The following ESRRG variants were observed in gnomAD, a reference collection of about 807,000 sequenced individuals.
The protein encoded by ESRRG is estrogen-related receptor gamma.
In ESRRG, 13 loss-of-function variants were observed where a neutral mutation model predicts 44.0. The observed-to-expected ratio is 0.30, with a 90% CI of 0.19 to 0.47. The LOEUF is 0.47. ESRRG is among the 20% of genes least tolerant of loss of function. The pLI is 1.00. For missense variants in ESRRG, 395 were observed against 580.6 expected, an observed-to-expected ratio of 0.68 and a Z score of 3.29; for synonymous variants, 215 against 214.6, an observed-to-expected ratio of 1.00 and a Z score of -0.02.
intron 1 of ESRRG, among the ~76,000 whole-genome samples, chr1:216,963,360 G>A (rs1221929055): frequency 2.0e-5 from 3 of 152,146 alleles, no homozygotes; most frequent in Admixed American, 6.6e-5. Context: ...CTTGCTTAGA[G>A]GTAAAATCAT....
At chr1:216,892,950 A>G (rs1439155428) in intron 2 of ESRRG, among the ~76,000 whole-genome samples, 1 of 152,128 alleles carries the variant, frequency 6.6e-6, no homozygotes, top group East Asian at 1.9e-4. Flanking sequence ...GGTTACCGTG[A>G]TCAGTCATTA....
intron 3 of ESRRG, among the ~76,000 whole-genome samples, chr1:216,636,764 G>T (rs1273070138): frequency 6.6e-6 from 1 of 152,184 alleles, no homozygotes; most frequent in African/African-American, 2.4e-5. Context: ...AATAGAAATA[G>T]CATTACTTGT....
At chr1:216,669,873 G>A (rs1011276297) in intron 2 of ESRRG, among the ~76,000 whole-genome samples, 1 of 149,626 alleles carries the variant, frequency 6.7e-6, no homozygotes, top group Non-Finnish European at 1.5e-5. Flanking sequence ...GTAACAGAAA[G>A]AGACTCTGTC....
chr1:216,896,364 T>C (rs1245386348), intron 2 of ESRRG, among the ~76,000 whole-genome samples: 3 of 152,102 alleles, frequency 2.0e-5, no homozygotes, highest in African/African-American at 7.2e-5. Context: ...CACTGCTAAA[T>C]GCAAACCTGG....
chr1:216,934,294 C>T (rs570442446), intron 2 of ESRRG, among the ~76,000 whole-genome samples: 7 of 152,170 alleles, frequency 4.6e-5, no homozygotes, highest in South Asian at 2.1e-4. Flanking sequence ...ATTAGCCGGA[C>T]GTGGTGGCAG....
At chr1:217,030,239 C>T (rs955818086) in intron 1 of ESRRG, among the ~76,000 whole-genome samples, 2 of 152,152 alleles carry the variant, frequency 1.3e-5, no homozygotes, top group Non-Finnish European at 2.9e-5. Context: ...TCCCTTCACT[C>T]TTCTCTGTGG....
intron 2 of ESRRG, among the ~76,000 whole-genome samples, chr1:216,916,183 G>T (rs1350086724): frequency 6.6e-6 from 1 of 152,170 alleles, no homozygotes; most frequent in Non-Finnish European, 1.5e-5. Flanking sequence ...TAAAAAAGAT[G>T]ACATCACTTC....
chr1:216,735,161 G>T (rs2813706), intron 2 of ESRRG, among the ~76,000 whole-genome samples: 1 of 151,010 alleles, frequency 6.6e-6, no homozygotes, highest in African/African-American at 2.4e-5. Flanking sequence ...TGCCTTCCTC[G>T]CCTCCCAAAG....
At chr1:216,601,460 A>G (rs1053420595) in intron 3 of ESRRG, among the ~76,000 whole-genome samples, 1 of 152,212 alleles carries the variant, frequency 6.6e-6, no homozygotes, top group Non-Finnish European at 1.5e-5. Flanking sequence ...ACAAGTGCGG[A>G]TAAGACTTAA....
intron 1 of ESRRG, among the ~76,000 whole-genome samples, chr1:216,711,405 C>A (rs1453542246): frequency 3.3e-5 from 5 of 152,164 alleles, no homozygotes; most frequent in Admixed American, 6.5e-5. Flanking sequence ...GGGGGAAATA[C>A]AAAAAGCACT....
intron 3 of ESRRG, among the ~76,000 whole-genome samples, chr1:216,583,331 A>G (rs954120350): frequency 6.6e-6 from 1 of 152,246 alleles, no homozygotes; most frequent in Non-Finnish European, 1.5e-5. Context: ...TGGTTATTCC[A>G]TAATTCCTGT....
chr1:216,726,473 AT>A (rs2087539261), upstream of ESRRG, among the ~76,000 whole-genome samples: 1 of 152,196 alleles, frequency 6.6e-6, no homozygotes, highest in Admixed American at 6.5e-5. Context: ...TGGGAAATAA[AT>A]GTGCCATGAG....
At chr1:217,041,829 AT>A in intron 1 of ESRRG, among the ~76,000 whole-genome samples, 1 of 152,274 alleles carries the variant, frequency 6.6e-6, no homozygotes, top group South Asian at 2.1e-4. Flanking sequence ...TTCTAATTTT[AT>A]TTTTTATTTT....
At chr1:216,523,817 A>C (rs999334421) in intron 5 of ESRRG, among the ~76,000 whole-genome samples, 10 of 150,458 alleles carry the variant, frequency 6.6e-5, no homozygotes, top group Non-Finnish European at 1.2e-4. Context: ...GCCTGATCAC[A>C]GTTTTTGAAC....
At chr1:216,934,454 G>A (rs993822361) in intron 2 of ESRRG, among the ~76,000 whole-genome samples, 2 of 151,920 alleles carry the variant, frequency 1.3e-5, no homozygotes, top group South Asian at 2.1e-4. Context: ...AGAAATACCC[G>A]AGACTGGGTA....
At chr1:217,041,327 A>C (rs1168345091) in intron 1 of ESRRG, among the ~76,000 whole-genome samples, 2 of 152,170 alleles carry the variant, frequency 1.3e-5, no homozygotes, top group Non-Finnish European at 2.9e-5. Flanking sequence ...CTTCTGATAC[A>C]AGACAGCAAA....
chr1:216,524,354 C>A (rs1170365148), intron 5 of ESRRG, among the ~76,000 whole-genome samples: 4 of 148,710 alleles, frequency 2.7e-5, no homozygotes, highest in African/African-American at 1.0e-4. Context: ...TAAGCAGCTA[C>A]AGATGGTTAA....
At chr1:216,939,501 C>G (rs962633950) in intron 2 of ESRRG, 17 of 152,150 alleles carry the variant, frequency 1.1e-4, no homozygotes, top group Middle Eastern at 3.4e-3. Context: ...ACTTAACCCT[C>G]TAATGTGTAT....
chr1:216,940,337 C>G (rs1211772504), intron 1 of ESRRG, among the ~76,000 whole-genome samples: 2 of 152,152 alleles, frequency 1.3e-5, no homozygotes, highest in Non-Finnish European at 2.9e-5. Context: ...TCAATTTCAA[C>G]CTACAAAAAT....
Sources: allele counts gnomAD v4.1 joint callset (sites outside exome capture counted in the v4.1 genomes callset), GRCh38; gene constraint gnomAD v4.1.1; transcripts MANE v1.5; gene names NCBI Gene and HGNC (gene_info 2026-07-23, HGNC 2026-07-21).